Variants in SDK1 observed in about 807,000 individuals in gnomAD.
SDK1 encodes sidekick cell adhesion molecule 1, also known as protein sidekick-1.
A neutral mutation model predicts 245.5 loss-of-function variants in SDK1; 157 were observed. That is an observed-to-expected ratio of 0.64 (90% CI 0.56 to 0.73). SDK1 has a LOEUF of 0.73. Ranked by LOEUF, SDK1 falls within the 30% of genes least tolerant of loss-of-function variation. SDK1 has a pLI of 0.00. For missense variants in SDK1, 3,583 were observed against 3,002.3 expected, an observed-to-expected ratio of 1.19 and a Z score of -4.52; for synonymous variants, 1,647 against 1,278.5, an observed-to-expected ratio of 1.29 and a Z score of -6.15.
At chr7:3,507,402 A>G (rs900866469) in intron 1 of SDK1, among the ~76,000 whole-genome samples, 5 of 152,104 alleles carry the variant, frequency 3.3e-5, no homozygotes, top group African/African-American at 4.8e-5. Context: ...TAACAAGACC[A>G]TTGTGCTTTT....
intron 32 of SDK1, among the ~76,000 whole-genome samples, chr7:4,166,709 C>T (rs138699949): frequency 6.6e-5 from 10 of 152,320 alleles, no homozygotes; most frequent in African/African-American, 9.6e-5. Context: ...CGGGGGACCA[C>T]GGTGGCCGGA....
At chr7:3,653,421 G>A (rs569363405) in intron 4 of SDK1, among the ~76,000 whole-genome samples, 1 of 152,282 alleles carries the variant, frequency 6.6e-6, no homozygotes, top group South Asian at 2.1e-4. Flanking sequence ...GAGACCATGA[G>A]GATGGGGGCC....
rs1779253194 is a variant in SDK1 at position 3,806,547 on chromosome 7, TC to T, written c.714-14902del. Reference sequence around the variant, plus strand: ...CTTTATAGACCCTAGCGAAGAATTTTCTGTGGCCTTTGGTCCTTTGCAGAAC... The same window carrying T: ...CTTTATAGACCCTAGCGAAGAATTTTTGTGGCCTTTGGTCCTTTGCAGAAC... On this transcript the variant is annotated intron_variant, in intron 4 of 44. Coordinates refer to ENST00000404826, the MANE Select transcript of SDK1 (RefSeq NM_152744.4). 2.6e-5 allele frequency among the ~76,000 whole-genome samples: 4 copies of T among 152,376 alleles called. No individual in the cohort carries two copies. The South Asian group carries it at 8.3e-4, about 32-fold the overall frequency.
At chr7:3,935,018 G>A (rs1307248536) in intron 5 of SDK1, among the ~76,000 whole-genome samples, 2 of 152,172 alleles carry the variant, frequency 1.3e-5, no homozygotes, top group Non-Finnish European at 2.9e-5. Context: ...CTCTTGTATT[G>A]GCAAGAACAA....
intron 4 of SDK1, among the ~76,000 whole-genome samples, chr7:3,673,447 T>G (rs1783783839): frequency 6.6e-6 from 1 of 152,230 alleles, no homozygotes; most frequent in African/African-American, 2.4e-5. Flanking sequence ...TCCTAGTTGT[T>G]TATCAGCTTA....
At chr7:3,715,306 T>C (rs773718379) in intron 4 of SDK1, among the ~76,000 whole-genome samples, 54 of 152,166 alleles carry the variant, frequency 3.5e-4, no homozygotes, top group Non-Finnish European at 4.7e-4. Context: ...TTACCAGAAA[T>C]TTTATTAAAT....
At chr7:3,962,873 G>C (rs1781810043) in intron 9 of SDK1, 22 bp downstream of exon 9, 1 of 1,592,126 alleles carries the variant, frequency 6.3e-7, no homozygotes, top group African/African-American at 1.3e-5. Flanking sequence ...CAGGCCCACA[G>C]CTACCTGACC....
chr7:3,801,709 G>A (rs1056294931), intron 4 of SDK1, among the ~76,000 whole-genome samples: 28 of 152,154 alleles, frequency 1.8e-4, no homozygotes, highest in Non-Finnish European at 3.7e-4. Context: ...TGTCTCTCTG[G>A]TTCCTTCTCC....
intron 20 of SDK1, among the ~76,000 whole-genome samples, chr7:4,071,397 C>A (rs1317934904): frequency 6.6e-6 from 1 of 152,096 alleles, no homozygotes; most frequent in Non-Finnish European, 1.5e-5. Flanking sequence ...TTTGAAGTGC[C>A]CACTTTAAAT....
intron 1 of SDK1, among the ~76,000 whole-genome samples, chr7:3,407,083 C>G (rs1779074328): frequency 6.6e-6 from 1 of 152,156 alleles, no homozygotes; most frequent in Non-Finnish European, 1.5e-5. Flanking sequence ...CTCTCCCTTA[C>G]TAGGTAGGAA....
intron 19 of SDK1, 104 bp downstream of exon 19, chr7:4,051,934 C>T (rs1294911449): frequency 1.8e-6 from 2 of 1,113,842 alleles, no homozygotes; most frequent in Non-Finnish European, 2.5e-6. Flanking sequence ...ACGAGGAGGC[C>T]CCGGATTTTT....
rs1452825505 is a variant in SDK1 at position 4,017,039 on chromosome 7, A to G, written c.2421-132A>G. 6.3e-6 allele frequency: 5 copies of G among 793,518 alleles called. No homozygotes were observed. The East Asian group carries it at 1.4e-4, about 23-fold the overall frequency. The allele number at this position is 793,518 out of a possible 1,614,324, so 49.2% of individuals were successfully genotyped here. On this transcript the variant is annotated intron_variant, in intron 16 of 44. Transcript: ENST00000404826. ...ATCGAGTTGGGAAATAGTATTGTTT[A>G]GGGCTGACCTCTCAGCTCTGCTCTT...
At chr7:3,338,592 C>G (rs759116538) in intron 1 of SDK1, 1 of 244,246 alleles carries the variant, frequency 4.1e-6, no homozygotes, top group Non-Finnish European at 7.9e-6. Flanking sequence ...CCTATGAATC[C>G]ATGGCATGAT....
chr7:3,886,034 C>CAGGGA (rs540737657), intron 5 of SDK1, among the ~76,000 whole-genome samples: 84 of 152,254 alleles, frequency 5.5e-4, no homozygotes, highest in African/African-American at 1.9e-3. Flanking sequence ...TGCCGTGCCA[C>CAGGGA]AGGGAAGGGA....
intron 1 of SDK1, among the ~76,000 whole-genome samples, chr7:3,448,436 T>A (rs184556881): frequency 8.5e-5 from 13 of 152,256 alleles, no homozygotes; most frequent in Admixed American, 8.5e-4. Flanking sequence ...GTTTTCCCAG[T>A]CTATGTATTT....
chr7:3,833,491 A>T (rs1779959926), intron 5 of SDK1, among the ~76,000 whole-genome samples: 2 of 152,188 alleles, frequency 1.3e-5, no homozygotes, highest in African/African-American at 4.8e-5. Context: ...TTCCTTTCTA[A>T]TCCTTAAAAC....
intron 1 of SDK1, among the ~76,000 whole-genome samples, chr7:3,419,131 T>G (rs965679661): frequency 6.6e-6 from 1 of 152,238 alleles, no homozygotes; most frequent in African/African-American, 2.4e-5. Context: ...AAACCTGTGT[T>G]GTTCAAGGGT....
intron 1 of SDK1, among the ~76,000 whole-genome samples, chr7:3,325,596 A>G (rs1779921301): frequency 6.6e-6 from 1 of 152,098 alleles, no homozygotes; most frequent in Non-Finnish European, 1.5e-5. Context: ...TATAAAAGTA[A>G]CCGTTTCCAT....
intron 5 of SDK1, among the ~76,000 whole-genome samples, chr7:3,830,512 T>A (rs1021276101): frequency 6.6e-6 from 1 of 152,146 alleles, no homozygotes; most frequent in Non-Finnish European, 1.5e-5. Flanking sequence ...GTTTTGTTTT[T>A]GGAGACAGGG....
Sources: allele counts gnomAD v4.1 joint callset (sites outside exome capture counted in the v4.1 genomes callset), GRCh38; gene constraint gnomAD v4.1.1; transcripts MANE v1.5; gene names NCBI Gene and HGNC (gene_info 2026-07-23, HGNC 2026-07-21).